CREBBP: variants seen among roughly 807,000 people sequenced by gnomAD.
CREBBP encodes CREB-binding protein.
Under a neutral mutation model 265.0 loss-of-function variants are expected in CREBBP, and 19 were observed. The observed-to-expected ratio is 0.07, with a 90% confidence interval of 0.05 to 0.11. CREBBP has a LOEUF of 0.11. CREBBP is among the 10% of genes least tolerant of loss of function. The probability of loss-of-function intolerance (pLI) is 1.00; values close to 1 mark genes in which losing one functional copy is unlikely to be tolerated. For missense variants in CREBBP, 2,525 were observed against 3,219.0 expected (o/e 0.78, Z 5.22); for synonymous variants, 1,457 against 1,223.7 (o/e 1.19, Z -3.98).
chr16:3,771,514 T>A (rs1455993660), intron 13 of CREBBP, among the ~76,000 whole-genome samples: 1 of 152,148 alleles, frequency 6.6e-6, no homozygotes, highest in African/African-American at 2.4e-5. Context: ...AAAACAACCA[T>A]TGAAACTTAT....
intron 2 of CREBBP, among the ~76,000 whole-genome samples, chr16:3,827,012 C>T (rs1308916372): frequency 6.6e-6 from 1 of 152,096 alleles, no homozygotes; most frequent in Non-Finnish European, 1.5e-5. Context: ...ATAGAGTCTA[C>T]TCAGTCAGTT....
intron 4 of CREBBP, among the ~76,000 whole-genome samples, chr16:3,792,834 G>A (rs1177158146): frequency 6.6e-6 from 1 of 152,244 alleles, no homozygotes; most frequent in Non-Finnish European, 1.5e-5. Context: ...GAGGGCACGT[G>A]AAGTGCCTAG....
intron 2 of CREBBP, among the ~76,000 whole-genome samples, chr16:3,841,273 T>G (rs2054561739): frequency 6.6e-6 from 1 of 152,000 alleles, no homozygotes. Context: ...AGCATCCCCA[T>G]GTGTTTTAGA....
chr16:3,782,138 T>C (rs1483558730), intron 6 of CREBBP, among the ~76,000 whole-genome samples: 4 of 152,152 alleles, frequency 2.6e-5, no homozygotes, highest in Admixed American at 6.5e-5. Flanking sequence ...GGCAAAATCA[T>C]GGCGATGTGT....
At chr16:3,775,921 CTT>C (rs35453514) in intron 11 of CREBBP, among the ~76,000 whole-genome samples, 1,949 of 146,688 alleles carry the variant, frequency 0.013, 45 homozygotes, top group African/African-American at 0.046. Flanking sequence ...TGATTTCTTT[CTT>C]TTTTTTTTTT....
chr16:3,835,973 G>C (rs574289838), intron 2 of CREBBP, among the ~76,000 whole-genome samples: 22 of 152,126 alleles, frequency 1.4e-4, no homozygotes, highest in African/African-American at 5.3e-4. Flanking sequence ...TCACAAAACA[G>C]AATACCATTT....
At chr16:3,793,270 A>G (rs2053541943) in intron 4 of CREBBP, 116 bp downstream of exon 4, 1 of 1,399,964 alleles carries the variant, frequency 7.1e-7, no homozygotes, top group Non-Finnish European at 1.0e-6. Flanking sequence ...TGCCACACCC[A>G]ATGGAAGGCA....
intron 21 of CREBBP, among the ~76,000 whole-genome samples, chr16:3,748,795 G>C (rs1358153997): frequency 6.6e-6 from 1 of 152,200 alleles, no homozygotes; most frequent in African/African-American, 2.4e-5. Flanking sequence ...AGTCTCTTTA[G>C]GGGCTGTTAT....
At chr16:3,867,668 T>C (rs2055203930) in intron 1 of CREBBP, among the ~76,000 whole-genome samples, 1 of 148,194 alleles carries the variant, frequency 6.7e-6, no homozygotes, top group South Asian at 2.1e-4. Flanking sequence ...CTGTAATCCC[T>C]AAACTTTGGG....
At chr16:3,781,062 G>GA in intron 7 of CREBBP, 142 bp downstream of exon 7, 1 of 1,027,064 alleles carries the variant, frequency 9.7e-7, no homozygotes, top group Non-Finnish European at 1.5e-6. Context: ...TATAATTAAA[G>GA]AAAAAAAGGA....
At chr16:3,870,020 AAT>A (rs1180528732) in intron 1 of CREBBP, among the ~76,000 whole-genome samples, 1 of 152,184 alleles carries the variant, frequency 6.6e-6, no homozygotes, top group South Asian at 2.1e-4. Context: ...AAAACCTATC[AAT>A]ATGTTATGTC....
Position 3,757,326 on chromosome 16 carries a change from G to A in CREBBP, c.3660C>T (p.Thr1220=), listed in dbSNP as rs771290014. The A allele has an allele frequency of 2.5e-6, 4 of 1,613,780 alleles. No homozygotes were observed. In the East Asian group the frequency reaches 8.9e-5, roughly 36 times the overall value. ...TGTAGTAGGCAGCATCGCGAGGAAT[G>A]GTACACAGCTGCTTCCCATAGCAGC... ...TLCCYGKQLC[T]IPRDAAYYSY... Residue 1220 remains threonine, a synonymous_variant, in exon 19 of 31, where the codon ACC becomes ACT. Transcript: ENST00000262367.
Position 3,787,070 on chromosome 16 carries a change from C to CAAAAAAAAAAAAAAAA in CREBBP, c.1331-4160_1331-4145dup, listed in dbSNP as rs757962926. On this transcript the variant is annotated intron_variant, in intron 5 of 30. Transcript: ENST00000262367. Reference sequence around the variant, plus strand: ...TGGGCGACAGAGTGAGACTTCGTCTCAAAAAAAAAAAAAAAAGAATTTATT... The same window carrying CAAAAAAAAAAAAAAAA: ...TGGGCGACAGAGTGAGACTTCGTCTCAAAAAAAAAAAAAAAAAAAAAAAAAAAAAAAAGAATTTATT... 4.1e-4 allele frequency among the ~76,000 whole-genome samples: 36 copies of CAAAAAAAAAAAAAAAA among 86,958 alleles called. 2 individuals carry two copies. Among genetic ancestry groups the CAAAAAAAAAAAAAAAA allele is most frequent in the African/African-American group, 1.2e-3 (29 of 23,920 alleles). The allele number at this position is 86,958 out of a possible 152,430, so 57.0% of individuals were successfully genotyped here.
At chr16:3,773,689 A>C (rs760249549) in intron 13 of CREBBP, 62 bp downstream of exon 13, 122 of 1,571,490 alleles carry the variant, frequency 7.8e-5, no homozygotes, top group Middle Eastern at 1.7e-4. Flanking sequence ...GAAAAAAAAA[A>C]CCAAAACTTA....
chr16:3,813,084 T>C (rs2053968672), intron 2 of CREBBP: 1 of 229,726 alleles, frequency 4.4e-6, no homozygotes. Context: ...TACAAACAAA[T>C]CAACACTCAA....
Position 3,777,595 on chromosome 16 carries a change from C to A in CREBBP, c.2158+18G>T. 6.2e-7 allele frequency: 1 copy of A among 1,613,662 alleles called. No homozygotes were observed. The highest frequency in any genetic ancestry group is 1.7e-4 in the Middle Eastern group (1 of 6,060). On this transcript the variant is annotated intron_variant, in intron 11 of 30. Transcript: ENST00000262367. ...GAATGTAAAACTAAAATATGATTCA[C>A]CACAAACAGTTCAATACCTTGAGAA... is the stretch of plus-strand genomic sequence containing the variant.
intron 11 of CREBBP, among the ~76,000 whole-genome samples, chr16:3,777,201 G>T (rs1167324039): frequency 6.6e-6 from 1 of 151,288 alleles, no homozygotes; most frequent in Non-Finnish European, 1.5e-5. Flanking sequence ...CACGCGTGGT[G>T]GTGGGCGCCT....
intron 1 of CREBBP, among the ~76,000 whole-genome samples, chr16:3,867,544 A>G (rs914996599): frequency 6.6e-6 from 1 of 152,176 alleles, no homozygotes; most frequent in African/African-American, 2.4e-5. Flanking sequence ...CATAGAGAAA[A>G]CATTAAAATT....
At chr16:3,744,996 T>TA (rs773642360) in intron 22 of CREBBP, 35 bp from the exon 23 acceptor site, 1 of 1,480,294 alleles carries the variant, frequency 6.8e-7, no homozygotes, top group East Asian at 2.3e-5. Context: ...AGACTGTATA[T>TA]AATGATGTAA....
Sources: gnomAD v4.1 joint callset for allele counts (sites outside exome capture counted in the v4.1 genomes callset) on GRCh38, gnomAD v4.1.1 for gene constraint, MANE v1.5 for transcripts, NCBI Gene and HGNC (gene_info 2026-07-23, HGNC 2026-07-21) for gene names.